The following XG variants were observed in gnomAD, a reference collection of about 807,000 sequenced individuals.
XG encodes the protein glycoprotein Xg.
XG carries 24 observed loss-of-function variants against 25.7 expected under a neutral mutation model. The observed-to-expected ratio is 0.93, with a 90% CI of 0.68 to 1.31. The LOEUF (loss-of-function observed/expected upper bound fraction) is 1.31, where lower values mean the gene tolerates loss of function less well. Ranked by LOEUF, XG falls within the 40% of genes most tolerant of loss-of-function variation. The pLI, the probability that XG is intolerant of heterozygous loss-of-function variation, is 0.00. For synonymous variants in XG, 77 were observed against 69.2 expected, an observed-to-expected ratio of 1.11 and a Z score of -0.56; for missense variants, 181 against 187.6, an observed-to-expected ratio of 0.96 and a Z score of 0.21.
At chrX:2,759,110 C>G (rs1276773864) in intron 1 of XG, among the ~76,000 whole-genome samples, 1 of 152,104 alleles carries the variant, frequency 6.6e-6, no homozygotes, top group African/African-American at 2.4e-5. Flanking sequence ...TCTTCTGCTA[C>G]CCAGGGATAA....
intron 3 of XG, among the ~76,000 whole-genome samples, chrX:2,776,502 T>A (rs1297938855): frequency 6.6e-6 from 1 of 152,012 alleles, no homozygotes; most frequent in African/African-American, 2.4e-5. Flanking sequence ...CTGCACGAGT[T>A]CAGTCCTTGA....
intron 5 of XG, among the ~76,000 whole-genome samples, chrX:2,791,158 C>T (rs1214651813): frequency 6.3e-5 from 7 of 110,434 alleles, no homozygotes; most frequent in Non-Finnish European, 1.1e-4. Context: ...TTCCCATCTC[C>T]GCCTTGGCAA....
Position 2,780,150 on chromosome X carries a change from A to G in XG, c.128-1916A>G, listed in dbSNP as rs184746924. On this transcript the variant is annotated intron_variant, in intron 3 of 10. Coordinates refer to ENST00000644266, the MANE Select transcript of XG (RefSeq NM_001141919.2). ...TCTGGTTATAGAGCACAAACTGTGT[A>G]TAGATAGCTCCTACCAAAACAGACG... 1.5e-4 allele frequency among the ~76,000 whole-genome samples: 23 copies of G among 152,238 alleles called. No homozygotes were observed. In the East Asian group the frequency reaches 4.2e-3, roughly 28 times the overall value.
At chrX:2,797,757 C>T (rs1043401302) in intron 7 of XG, among the ~76,000 whole-genome samples, 2 of 111,382 alleles carry the variant, frequency 1.8e-5, no homozygotes, top group African/African-American at 3.3e-5. Context: ...AATGGCTGGG[C>T]GCGGTGGCTC....
intron 1 of XG, among the ~76,000 whole-genome samples, chrX:2,758,117 T>C (rs948228957): frequency 6.6e-6 from 1 of 152,012 alleles, no homozygotes; most frequent in African/African-American, 2.4e-5. Context: ...TTGCTTCCAT[T>C]CTGGTGCCCC....
At chrX:2,775,448 A>G (rs2050956961) in intron 3 of XG, among the ~76,000 whole-genome samples, 1 of 152,176 alleles carries the variant, frequency 6.6e-6, no homozygotes, top group Non-Finnish European at 1.5e-5. Flanking sequence ...AACCAGAAGC[A>G]ATGTCGTGAC....
intron 2 of XG, among the ~76,000 whole-genome samples, chrX:2,773,780 A>G (rs1263399379): frequency 1.2e-5 from 1 of 86,020 alleles, no homozygotes; most frequent in Non-Finnish European, 2.5e-5. Flanking sequence ...GGAGCGAAGG[A>G]AGGAAGGAGA....
At chrX:2,793,091 A>G (rs972039436) in intron 5 of XG, among the ~76,000 whole-genome samples, 1 of 109,853 alleles carries the variant, frequency 9.1e-6, no homozygotes, top group Non-Finnish European at 1.9e-5. Flanking sequence ...TTGTAGAGAC[A>G]GGGGGTCTCA....
At chrX:2,779,284 C>T (rs1267952538) in intron 3 of XG, among the ~76,000 whole-genome samples, 3 of 147,224 alleles carry the variant, frequency 2.0e-5, no homozygotes, top group Non-Finnish European at 3.0e-5. Context: ...TGCAGTGAGC[C>T]GAGATCCTGC....
At chrX:2,765,365 A>G (rs187137243) in intron 1 of XG, among the ~76,000 whole-genome samples, 4 of 97,196 alleles carry the variant, frequency 4.1e-5, no homozygotes, top group African/African-American at 1.2e-4. Flanking sequence ...AAAGAGAGAA[A>G]GAGGGAGGGA....
chrX:2,772,764 G>T (rs2050848488), intron 2 of XG, among the ~76,000 whole-genome samples: 1 of 152,188 alleles, frequency 6.6e-6, no homozygotes, highest in African/African-American at 2.4e-5. Context: ...CCACTCACCT[G>T]CTACTACCTT....
chrX:2,756,518 T>G (rs1341865845), intron 1 of XG, among the ~76,000 whole-genome samples: 2 of 152,166 alleles, frequency 1.3e-5, no homozygotes, highest in African/African-American at 4.8e-5. Flanking sequence ...GATTTGATCT[T>G]TACAAATTAT....
At chrX:2,754,876 A>G (rs1261399198) in intron 1 of XG, among the ~76,000 whole-genome samples, 2 of 152,196 alleles carry the variant, frequency 1.3e-5, no homozygotes, top group South Asian at 4.1e-4. Flanking sequence ...TCCTTTGGCA[A>G]CACCCTCACA....
chrX:2,756,322 T>C (rs1358751124), intron 1 of XG, among the ~76,000 whole-genome samples: 2 of 152,036 alleles, frequency 1.3e-5, no homozygotes, highest in Admixed American at 1.3e-4. Context: ...GAAATGTCAT[T>C]TATTGAGGGG....
At chrX:2,780,467 C>T (rs1362982503) in intron 3 of XG, among the ~76,000 whole-genome samples, 1 of 147,496 alleles carries the variant, frequency 6.8e-6, no homozygotes, top group Admixed American at 6.8e-5. Flanking sequence ...AGGTGGCTCA[C>T]ACCTGTCATC....
chrX:2,785,555 T>TG (rs1486993290), intron 4 of XG, among the ~76,000 whole-genome samples: 4 of 111,773 alleles, frequency 3.6e-5, no homozygotes, highest in African/African-American at 1.3e-4. Flanking sequence ...TTAATGATTT[T>TG]GGGGTCCCAA....
At chrX:2,766,770 T>A (rs946046656) in intron 1 of XG, among the ~76,000 whole-genome samples, 1 of 151,372 alleles carries the variant, frequency 6.6e-6, no homozygotes, top group Non-Finnish European at 1.5e-5. Flanking sequence ...TTTCACCGTG[T>A]TAGCCAGGAT....
intron 1 of XG, among the ~76,000 whole-genome samples, chrX:2,758,706 C>T (rs1167746052): frequency 6.6e-6 from 1 of 152,164 alleles, no homozygotes; most frequent in East Asian, 1.9e-4. Context: ...GGGTGGAGCC[C>T]AGGGATGCTG....
At chrX:2,798,189 G>T (rs921664982) in intron 7 of XG, among the ~76,000 whole-genome samples, 2 of 111,537 alleles carry the variant, frequency 1.8e-5, no homozygotes, top group African/African-American at 6.5e-5. Flanking sequence ...GAGACCAGGG[G>T]ACCTTGAAAC....
Sources: gnomAD v4.1 joint callset for allele counts (sites outside exome capture counted in the v4.1 genomes callset) on GRCh38, gnomAD v4.1.1 for gene constraint, MANE v1.5 for transcripts, NCBI Gene and HGNC (gene_info 2026-07-23, HGNC 2026-07-21) for gene names.